Variants in LMBRD1 observed in about 807,000 individuals in gnomAD.
LMBRD1 encodes the protein lysosomal cobalamin transport escort protein LMBD1.
Under a neutral mutation model 74.8 loss-of-function variants are expected in LMBRD1, and 64 were observed. The ratio of observed to expected loss-of-function variants is 0.86; its 90% CI spans 0.70 to 1.05. The LOEUF (loss-of-function observed/expected upper bound fraction) is 1.05. LMBRD1 is among the 50% of genes least tolerant of loss of function. LMBRD1 has a pLI of 0.00. For missense variants in LMBRD1, 652 were observed against 645.9 expected, an observed-to-expected ratio of 1.01 and a Z score of -0.10; for synonymous variants, 204 against 216.3, an observed-to-expected ratio of 0.94 and a Z score of 0.50.
At chr6:69,699,266 T>A in intron 12 of LMBRD1, 74 bp from the exon 13 acceptor site, 1 of 1,334,478 alleles carries the variant, frequency 7.5e-7, no homozygotes, top group East Asian at 2.3e-5. Flanking sequence ...TCTTGTGTTA[T>A]GGGAAATGAT....
chr6:69,769,305 A>T (rs1765531321), intron 3 of LMBRD1, among the ~76,000 whole-genome samples: 1 of 152,048 alleles, frequency 6.6e-6, no homozygotes, highest in Non-Finnish European at 1.5e-5. Context: ...TAAATTTTTC[A>T]CATCAGTTAC....
chr6:69,792,883 G>A (rs1766116942), intron 1 of LMBRD1, among the ~76,000 whole-genome samples: 1 of 152,138 alleles, frequency 6.6e-6, no homozygotes. Flanking sequence ...CGGCAACCAG[G>A]CAGAAGAGTT....
chr6:69,757,284 G>A (rs1765286833), intron 3 of LMBRD1, among the ~76,000 whole-genome samples: 1 of 152,148 alleles, frequency 6.6e-6, no homozygotes, highest in Non-Finnish European at 1.5e-5. Context: ...AAATGGGGCA[G>A]CTATTGACTT....
chr6:69,775,672 G>A (rs1369485820), intron 3 of LMBRD1, among the ~76,000 whole-genome samples: 2 of 152,138 alleles, frequency 1.3e-5, no homozygotes, highest in Non-Finnish European at 2.9e-5. Flanking sequence ...GTCCACATTT[G>A]CATATATATC....
intron 3 of LMBRD1, among the ~76,000 whole-genome samples, chr6:69,761,279 G>A (rs1765366988): frequency 6.6e-6 from 1 of 151,830 alleles, no homozygotes; most frequent in Admixed American, 6.6e-5. Context: ...CCTTCTCAAT[G>A]GTATTTATTC....
At chr6:69,677,480 C>T (rs1765572181) in intron 14 of LMBRD1, among the ~76,000 whole-genome samples, 1 of 152,002 alleles carries the variant, frequency 6.6e-6, no homozygotes, top group Non-Finnish European at 1.5e-5. Context: ...AGAGAAGTTC[C>T]AGTTTCTATG....
intron 9 of LMBRD1, among the ~76,000 whole-genome samples, chr6:69,712,412 C>T (rs1291050357): frequency 6.7e-6 from 1 of 150,168 alleles, no homozygotes; most frequent in Non-Finnish European, 1.5e-5. Flanking sequence ...AACAATGAGG[C>T]AAATTCTATT....
intron 13 of LMBRD1, among the ~76,000 whole-genome samples, chr6:69,698,118 T>C (rs1437205850): frequency 2.0e-5 from 3 of 152,020 alleles, no homozygotes; most frequent in East Asian, 1.9e-4. Flanking sequence ...CAGGATGCTG[T>C]TTCCCAAACT....
intron 3 of LMBRD1, among the ~76,000 whole-genome samples, chr6:69,769,502 T>C (rs1765535244): frequency 6.6e-6 from 1 of 152,198 alleles, no homozygotes; most frequent in Non-Finnish European, 1.5e-5. Flanking sequence ...CTGTTTCCAC[T>C]ATATGCTGTT....
intron 7 of LMBRD1, among the ~76,000 whole-genome samples, chr6:69,729,767 C>T (rs1280242464): frequency 5.3e-5 from 8 of 152,058 alleles, no homozygotes; most frequent in South Asian, 2.1e-4. Flanking sequence ...CCGAAGACAA[C>T]GTAGAAGAAA....
At chr6:69,736,394 C>A (rs1228185402) in intron 7 of LMBRD1, among the ~76,000 whole-genome samples, 1 of 152,142 alleles carries the variant, frequency 6.6e-6, no homozygotes, top group African/African-American at 2.4e-5. Flanking sequence ...CAGGTCTCAT[C>A]TAGTTCTCTC....
chr6:69,779,658 T>C (rs1033189808), intron 3 of LMBRD1, among the ~76,000 whole-genome samples: 1 of 151,854 alleles, frequency 6.6e-6, no homozygotes, highest in Admixed American at 6.6e-5. Flanking sequence ...AGAGGTGAGA[T>C]TTAAAGTAAC....
At chr6:69,772,463 A>G (rs1765595210) in intron 3 of LMBRD1, among the ~76,000 whole-genome samples, 1 of 152,192 alleles carries the variant, frequency 6.6e-6, no homozygotes, top group South Asian at 2.1e-4. Flanking sequence ...TCATTTAGAG[A>G]CAAAAAGTAC....
At chr6:69,727,373 T>C (rs1766759554) in intron 7 of LMBRD1, among the ~76,000 whole-genome samples, 1 of 152,206 alleles carries the variant, frequency 6.6e-6, no homozygotes, top group South Asian at 2.1e-4. Context: ...CCAAGGAACA[T>C]TTCTTTTGAG....
rs1465180927 is a variant in LMBRD1 at position 69,741,843 on chromosome 6, T to C, written c.508A>G (p.Asn170Asp). Residue 170 changes from asparagine (N) to aspartate (D), a missense_variant, in exon 6 of 16, where the codon AAT (asparagine) becomes GAT (aspartate). Around this residue, in one of 3 missense-constraint regions of LMBRD1, gnomAD observed 598 missense variants for 581.8 expected, o/e 1.03. Coordinates refer to ENST00000649934, the MANE Select transcript of LMBRD1 (RefSeq NM_018368.4). ...FVPLNVPNNK[N>D]STEWEKVKSL... is the part of the protein sequence containing the mutation. ...TTCACTTTTTCCCACTCTGTAGAATTTTTGTTATTGGGAACATTCAATGGA... is the reference window on the plus strand; with the variant it reads ...TTCACTTTTTCCCACTCTGTAGAATCTTTGTTATTGGGAACATTCAATGGA... 1 of 1,606,478 alleles carries C rather than the reference T, an allele frequency of 6.2e-7. No homozygotes were observed. Among genetic ancestry groups the C allele is most frequent in the Admixed American group, 1.7e-5 (1 of 60,014 alleles).
intron 2 of LMBRD1, among the ~76,000 whole-genome samples, chr6:69,782,311 C>T (rs1765852488): frequency 1.3e-5 from 2 of 152,236 alleles, no homozygotes; most frequent in African/African-American, 2.4e-5. Flanking sequence ...AATTCCATCA[C>T]TCATTGGACT....
chr6:69,724,347 TTA>T (rs1491286301), intron 7 of LMBRD1, among the ~76,000 whole-genome samples: 4 of 27,566 alleles, frequency 1.5e-4, no homozygotes, highest in African/African-American at 7.1e-4. Context: ...AAAGACACAT[TTA>T]AAAAAAAAAA....
At chr6:69,753,858 G>A (rs1014917948) in intron 3 of LMBRD1, among the ~76,000 whole-genome samples, 7 of 151,662 alleles carry the variant, frequency 4.6e-5, no homozygotes, top group South Asian at 2.1e-4. Context: ...GGAGAATGGC[G>A]TGAACCTGGG....
At chr6:69,702,448 T>C (rs1167442880) in intron 9 of LMBRD1, among the ~76,000 whole-genome samples, 1 of 151,908 alleles carries the variant, frequency 6.6e-6, no homozygotes, top group African/African-American at 2.4e-5. Flanking sequence ...CCTATACAAG[T>C]GATACTATTC....
Sources: allele counts gnomAD v4.1 joint callset (sites outside exome capture counted in the v4.1 genomes callset), GRCh38; gene constraint gnomAD v4.1.1; regional missense constraint gnomAD v4.1.1; transcripts MANE v1.5; gene names NCBI Gene and HGNC (gene_info 2026-07-23, HGNC 2026-07-21).